RBL1: variants seen among roughly 807,000 people sequenced by gnomAD.
RBL1 encodes retinoblastoma-like protein 1.
In RBL1, 82 loss-of-function variants were observed where a neutral mutation model predicts 123.0. The ratio of observed to expected loss-of-function variants is 0.67; its 90% CI spans 0.56 to 0.80. The LOEUF (loss-of-function observed/expected upper bound fraction) is 0.80. RBL1 is among the 30% of genes least tolerant of loss of function. The pLI is 0.00. For missense variants in RBL1, 1,171 were observed against 1,299.6 expected (o/e 0.90, Z 1.52); for synonymous variants, 405 against 441.3 (o/e 0.92, Z 1.03).
intron 7 of RBL1, among the ~76,000 whole-genome samples, chr20:37,064,818 C>T (rs528461860): frequency 6.6e-6 from 1 of 152,022 alleles, no homozygotes; most frequent in African/African-American, 2.4e-5. Flanking sequence ...CCATGTTGGC[C>T]AGGCTGATCT....
chr20:36,998,970 A>AG, intron 21 of RBL1, 41 bp from the exon 22 acceptor site: 1 of 1,564,532 alleles, frequency 6.4e-7, no homozygotes, highest in Non-Finnish European at 8.7e-7. Flanking sequence ...AAAGAGGGAG[A>AG]GGGGAAATGG....
intron 11 of RBL1, chr20:37,049,601 G>C: frequency 1.3e-6 from 1 of 756,960 alleles, no homozygotes; most frequent in East Asian, 2.4e-5. Context: ...CGTCGAGAGT[G>C]CCCTTCTGAT....
rs933977027 is a variant in RBL1 at position 37,074,433 on chromosome 20, A to T, written c.291-6247T>A. 5.6e-3 allele frequency among the ~76,000 whole-genome samples: 842 copies of T among 150,534 alleles called. 2 individuals are homozygous for T. The highest frequency in any genetic ancestry group is 9.5e-3 in the Non-Finnish European group (641 of 67,704). ...TGTCTCAGAAAAAAAAAAAAAAAAAATTTAAGAGAGAGAGAGAGAAGAGAA... is the reference window on the plus strand; with the variant it reads ...TGTCTCAGAAAAAAAAAAAAAAAAATTTTAAGAGAGAGAGAGAGAAGAGAA... On this transcript the variant is annotated intron_variant, in intron 2 of 21. Coordinates refer to ENST00000373664, the MANE Select transcript of RBL1 (RefSeq NM_002895.5).
intron 19 of RBL1, 39 bp from the exon 20 acceptor site, chr20:37,007,598 T>C: frequency 6.3e-7 from 1 of 1,595,250 alleles, no homozygotes; most frequent in Non-Finnish European, 8.5e-7. Context: ...CAAAGCATAC[T>C]TTTTATTTTT....
intron 21 of RBL1, among the ~76,000 whole-genome samples, chr20:37,001,158 TC>T (rs934657452): frequency 1.4e-5 from 2 of 145,942 alleles, no homozygotes; most frequent in African/African-American, 5.1e-5. Flanking sequence ...AGCCGCCCCG[TC>T]CGGGAGGTGA....
At chr20:37,049,447 C>A (rs780288196) in intron 11 of RBL1, 1 of 752,778 alleles carries the variant, frequency 1.3e-6, no homozygotes, top group Admixed American at 1.7e-5. Context: ...TACTCTTCAT[C>A]TTGTGTTGAG....
intron 18 of RBL1, among the ~76,000 whole-genome samples, chr20:37,018,775 A>T (rs975443550): frequency 3.9e-5 from 6 of 152,134 alleles, no homozygotes; most frequent in African/African-American, 9.7e-5. Flanking sequence ...ACATGGTGAA[A>T]GCCCATCTCT....
At position 37,017,402 on chromosome 20, in the gene RBL1, G is replaced by A. The variant is rs113302457; in HGVS notation, c.2722+877C>T. Among the ~76,000 whole-genome samples, 5 of 151,600 alleles carry A rather than the reference G, an allele frequency of 3.3e-5. No homozygotes were observed. The South Asian group carries it at 1.0e-3, about 32-fold the overall frequency. ...AAAAAAAATCATAGTATATACACAT[G>A]TATATATTACATACACCTGAAATAC... On this transcript the variant is annotated intron_variant, in intron 19 of 21. Coordinates refer to ENST00000373664, the MANE Select transcript of RBL1 (RefSeq NM_002895.5).
chr20:37,017,000 AAGACG>A (rs569359385), intron 19 of RBL1, among the ~76,000 whole-genome samples: 30 of 151,606 alleles, frequency 2.0e-4, no homozygotes, highest in South Asian at 6.3e-4. Flanking sequence ...GAGAGGAGAG[AAGACG>A]AGACGAGACG....
intron 16 of RBL1, among the ~76,000 whole-genome samples, chr20:37,030,892 G>A (rs565358535): frequency 3.4e-5 from 5 of 146,466 alleles, no homozygotes; most frequent in Admixed American, 1.4e-4. Flanking sequence ...CCCAAAAAAC[G>A]AAAATTAGCT....
chr20:37,001,705 G>A (rs1386652113), intron 21 of RBL1, among the ~76,000 whole-genome samples: 2 of 141,824 alleles, frequency 1.4e-5, no homozygotes, highest in Non-Finnish European at 3.0e-5. Context: ...CTATTGTCCT[G>A]TGACCCTGCC....
rs1253982950 is a variant in RBL1, at chr20:37,005,253, G to A, written c.2872-1387C>T. On this transcript the variant is annotated intron_variant, in intron 20 of 21. Coordinates refer to ENST00000373664, the MANE Select transcript of RBL1 (RefSeq NM_002895.5). ...GAAACTCTGTCTCTACTAAAAATAC[G>A]AAAATCAGCTGGGCGTGGTGACAGG... Among the ~76,000 whole-genome samples the A allele has an allele frequency of 5.3e-5, 8 of 151,722 alleles. No individual in the cohort carries two copies. The East Asian group carries it at 5.8e-4, about 11-fold the overall frequency.
At chr20:37,073,166 C>A (rs2065308028) in intron 2 of RBL1, among the ~76,000 whole-genome samples, 1 of 151,940 alleles carries the variant, frequency 6.6e-6, no homozygotes, top group African/African-American at 2.4e-5. Context: ...TTTTTGTTGC[C>A]TAGACTGATA....
intron 19 of RBL1, among the ~76,000 whole-genome samples, chr20:37,017,148 G>A (rs2064269468): frequency 6.6e-6 from 1 of 151,872 alleles, no homozygotes; most frequent in Non-Finnish European, 1.5e-5. Context: ...CAAGGTGGGC[G>A]GATCACTTGA....
At chr20:37,012,576 A>G (rs2064173325) in intron 19 of RBL1, among the ~76,000 whole-genome samples, 1 of 144,260 alleles carries the variant, frequency 6.9e-6, no homozygotes. Flanking sequence ...GGAGGTGAGG[A>G]GCGTCTCTGC....
At chr20:37,036,787 G>A (rs559076165) in intron 14 of RBL1, among the ~76,000 whole-genome samples, 7 of 151,856 alleles carry the variant, frequency 4.6e-5, no homozygotes, top group Admixed American at 2.0e-4. Context: ...CACCATGCCC[G>A]GCTAATTTTT....
At chr20:37,017,620 T>TTTTGTGTGTGTGTG (rs1555850065) in intron 19 of RBL1, among the ~76,000 whole-genome samples, 2 of 139,722 alleles carry the variant, frequency 1.4e-5, no homozygotes, top group Non-Finnish European at 3.1e-5. Flanking sequence ...GGACATTTTC[T>TTTTGTGTGTGTGTG]TGTGTGTGTG....
In RBL1 at chr20:36,998,842, G is replaced by A. The variant is rs1232284490; in HGVS notation, c.3124C>T (p.Pro1042Ser). The change falls in exon 22 of 22, where the codon CCT becomes TCT. Residue 1042 changes from proline (P) to serine (S), a missense_variant. Pro to Ser is a moderately conservative substitution (Grantham distance 74, BLOSUM62 -1). Coordinates refer to ENST00000373664, the MANE Select transcript of RBL1 (RefSeq NM_002895.5). ...TTTTCTTGACAGACGCGTTTGGCAGGGGATTCTGCATCACTATCGATGGCT... is the reference window on the plus strand; with the variant it reads ...TTTTCTTGACAGACGCGTTTGGCAGAGGATTCTGCATCACTATCGATGGCT... ...VIAIDSDAES[P>S]AKRVCQENDD... is the part of the protein sequence containing the mutation. 6.2e-7 allele frequency: 1 copy of A among 1,613,346 alleles called. No individual in the cohort carries two copies. Among genetic ancestry groups the A allele is most frequent in the South Asian group, 1.1e-5 (1 of 91,054 alleles).
At chr20:37,030,809 T>G (rs556745783) in intron 16 of RBL1, among the ~76,000 whole-genome samples, 1 of 150,268 alleles carries the variant, frequency 6.7e-6, no homozygotes, top group Admixed American at 6.7e-5. Context: ...GAGCCGAGAT[T>G]GCGCTACTGC....
Sources: gnomAD v4.1 joint callset for allele counts (sites outside exome capture counted in the v4.1 genomes callset) on GRCh38, gnomAD v4.1.1 for gene constraint, MANE v1.5 for transcripts, NCBI Gene and HGNC (gene_info 2026-07-23, HGNC 2026-07-21) for gene names.